CLIC2: variants seen among roughly 807,000 people sequenced by gnomAD.
CLIC2 encodes the protein CLIC family member 2, also known as chloride intracellular channel protein 2.
Under a neutral mutation model 14.8 loss-of-function variants are expected in CLIC2, and 9 were observed. That is an observed-to-expected ratio of 0.61 (90% CI 0.37 to 1.06). The LOEUF (loss-of-function observed/expected upper bound fraction) is 1.06. Ranked by LOEUF, CLIC2 falls within the 50% of genes least tolerant of loss-of-function variation. CLIC2 has a pLI of 0.01. For missense variants in CLIC2, 148 were observed against 181.4 expected (o/e 0.82, Z 1.06); for synonymous variants, 61 against 66.3 (o/e 0.92, Z 0.39).
intron 3 of CLIC2, among the ~76,000 whole-genome samples, chrX:155,284,465 G>T (rs782001996): frequency 9.1e-6 from 1 of 110,144 alleles, no homozygotes; most frequent in East Asian, 2.9e-4. Flanking sequence ...CTCCATGTTG[G>T]TCAGGCTGGT....
intron 1 of CLIC2, among the ~76,000 whole-genome samples, chrX:155,315,705 A>T (rs1336761045): frequency 3.6e-5 from 4 of 111,507 alleles, no homozygotes; most frequent in Non-Finnish European, 5.6e-5. Flanking sequence ...CACAATGAAA[A>T]AAAAACCAAG....
At chrX:155,278,511 A>G (rs2074906822) in intron 5 of CLIC2, among the ~76,000 whole-genome samples, 1 of 112,603 alleles carries the variant, frequency 8.9e-6, no homozygotes, top group Admixed American at 9.4e-5. Context: ...GTTATTCCCT[A>G]TTATGATCTA....
intron 1 of CLIC2, among the ~76,000 whole-genome samples, chrX:155,316,665 A>T (rs1227979918): frequency 9.1e-6 from 1 of 110,177 alleles, no homozygotes; most frequent in Non-Finnish European, 1.9e-5. Flanking sequence ...TATATATTAT[A>T]TATATCCTAT....
intron 3 of CLIC2, among the ~76,000 whole-genome samples, chrX:155,296,049 A>G (rs189568681): frequency 3.1e-3 from 348 of 112,210 alleles, no homozygotes; most frequent in African/African-American, 0.011. Context: ...AAAAGATTCC[A>G]TATAGCCAAA....
chrX:155,318,735 A>C (rs1174027847), intron 1 of CLIC2, among the ~76,000 whole-genome samples: 1 of 112,112 alleles, frequency 8.9e-6, no homozygotes, highest in Non-Finnish European at 1.9e-5. Context: ...ATGAAACCAA[A>C]AAAGCCCACA....
Position 155,292,836 on chromosome X carries a change from C to G in CLIC2, c.293+5949G>C, listed in dbSNP as rs980855420. ...TGCCAAAAAAAGCAGCAACTTAAAC[C>G]GGGAACGCATGGAAGAAAGAAGAGC... On this transcript the variant is annotated intron_variant, in intron 3 of 5. Coordinates refer to ENST00000369449, the MANE Select transcript of CLIC2 (RefSeq NM_001289.6). 11 of 956,718 alleles carry G rather than the reference C, an allele frequency of 1.1e-5. No homozygotes were observed. The Admixed American group carries it at 2.2e-4, about 19-fold the overall frequency. The allele number at this position is 956,718 out of a possible 1,213,427, so 78.8% of individuals were successfully genotyped here.
chrX:155,320,249 G>A (rs1005604411), intron 1 of CLIC2, among the ~76,000 whole-genome samples: 6 of 112,181 alleles, frequency 5.3e-5, no homozygotes, highest in South Asian at 7.4e-4. Context: ...CCTGACCCCC[G>A]TGCCTCCTGA....
At chrX:155,285,255 G>C (rs1482775087) in intron 3 of CLIC2, among the ~76,000 whole-genome samples, 1 of 112,347 alleles carries the variant, frequency 8.9e-6, no homozygotes, top group Non-Finnish European at 1.9e-5. Flanking sequence ...CCTTTTTCAA[G>C]TCATGGTAAC....
At chrX:155,315,701 GA>G (rs200916419) in intron 1 of CLIC2, among the ~76,000 whole-genome samples, 2 of 107,053 alleles carry the variant, frequency 1.9e-5, no homozygotes, top group Admixed American at 1.0e-4. Flanking sequence ...ATAACACAAT[GA>G]AAAAAAAACC....
intron 3 of CLIC2, among the ~76,000 whole-genome samples, chrX:155,294,661 CCAAA>C (rs1197098547): frequency 2.7e-5 from 3 of 110,643 alleles, no homozygotes; most frequent in South Asian, 3.8e-4. Context: ...AGTAGAAGAC[CCAAA>C]CAAACAAATT....
intron 1 of CLIC2, among the ~76,000 whole-genome samples, chrX:155,325,538 C>T (rs1417652683): frequency 9.2e-6 from 1 of 108,197 alleles, no homozygotes; most frequent in African/African-American, 3.4e-5. Flanking sequence ...TGTTCTCACT[C>T]ATAAGTGGGA....
At chrX:155,300,982 C>T (rs1295265709) in intron 1 of CLIC2, among the ~76,000 whole-genome samples, 31 of 57,707 alleles carry the variant, frequency 5.4e-4, no homozygotes, top group African/African-American at 1.3e-3. Flanking sequence ...TTACTGTAGC[C>T]TTGTAGTATA....
At chrX:155,288,170 C>T (rs781983627) in intron 3 of CLIC2, among the ~76,000 whole-genome samples, 165 of 111,468 alleles carry the variant, frequency 1.5e-3, no homozygotes, top group Middle Eastern at 4.6e-3. Flanking sequence ...ATGGGGTTTT[C>T]TTTGAGAAAA....
intron 3 of CLIC2, chrX:155,292,557 T>C: frequency 2.3e-6 from 1 of 427,528 alleles, no homozygotes; most frequent in South Asian, 3.3e-5. Context: ...GATCACGAGG[T>C]CAGGAGATCG....
intron 3 of CLIC2, among the ~76,000 whole-genome samples, 197 bp from the exon 4 acceptor site, chrX:155,280,265 G>A (rs2074914005): frequency 8.9e-6 from 1 of 112,701 alleles, no homozygotes; most frequent in Non-Finnish European, 1.9e-5. Context: ...AGGGTAATCA[G>A]TTGTCTGGAA....
At chrX:155,298,749 T>G (rs782650478) in intron 3 of CLIC2, 36 bp downstream of exon 3, 1 of 1,200,340 alleles carries the variant, frequency 8.3e-7, no homozygotes, top group East Asian at 3.0e-5. Context: ...TAAAATAGAT[T>G]ATCTTCAGCA....
At chrX:155,302,416 A>G (rs1207089159) in intron 1 of CLIC2, among the ~76,000 whole-genome samples, 4 of 110,236 alleles carry the variant, frequency 3.6e-5, no homozygotes, top group Non-Finnish European at 5.7e-5. Context: ...CTGTGGAATC[A>G]GTGGTGATAT....
At chrX:155,280,790 C>A in intron 3 of CLIC2, among the ~76,000 whole-genome samples, 1 of 109,832 alleles carries the variant, frequency 9.1e-6, no homozygotes, top group South Asian at 3.9e-4. Flanking sequence ...AAAAAAGTAG[C>A]CAATATAATT....
rs2074898596 is a variant in CLIC2, at chrX:155,276,417, T to G, written c.*1486A>C. The G allele has an allele frequency of 8.9e-6, 1 of 111,783 alleles. No homozygotes were observed. Among genetic ancestry groups the G allele is most frequent in the African/African-American group, 3.2e-5 (1 of 30,791 alleles). 9.2% of individuals were successfully genotyped at this position (111,783 alleles called of 1,213,427 possible). A position where few individuals can be genotyped will look rare whatever the true frequency, so the allele number is the denominator to read the frequency against. Reference sequence around the variant, plus strand: ...TTTCTAGCTATCTTGAAATACATGCTACATTATTATTTGCTATAGTCACCC... The same window carrying G: ...TTTCTAGCTATCTTGAAATACATGCGACATTATTATTTGCTATAGTCACCC... On this transcript the variant is annotated 3_prime_UTR_variant, in exon 6 of 6. Coordinates refer to ENST00000369449, the MANE Select transcript of CLIC2 (RefSeq NM_001289.6).
Sources: gnomAD v4.1 joint callset for allele counts (sites outside exome capture counted in the v4.1 genomes callset) on GRCh38, gnomAD v4.1.1 for gene constraint, MANE v1.5 for transcripts, NCBI Gene and HGNC (gene_info 2026-07-23, HGNC 2026-07-21) for gene names.